DLG2: variants seen among roughly 807,000 people sequenced by gnomAD.
The protein encoded by DLG2 is disks large homolog 2.
Under a neutral mutation model 132.5 loss-of-function variants are expected in DLG2, and 45 were observed. The observed-to-expected ratio is 0.34, with a 90% confidence interval of 0.27 to 0.44. The LOEUF is 0.44. Among genes scored for constraint, DLG2 ranks in the 20% least tolerant of loss-of-function variants. The pLI is 1.00. For synonymous variants in DLG2, 424 were observed against 419.6 expected, an observed-to-expected ratio of 1.01 and a Z score of -0.13; for missense variants, 1,045 against 1,196.9, an observed-to-expected ratio of 0.87 and a Z score of 1.87.
At chr11:84,012,265 C>T (rs143401276) in intron 11 of DLG2, among the ~76,000 whole-genome samples, 55 of 152,144 alleles carry the variant, frequency 3.6e-4, no homozygotes, top group African/African-American at 1.3e-3. Context: ...TGCAAGTGTC[C>T]TTATGTACTC....
At chr11:84,646,177 CTA>C (rs2099674690) in intron 6 of DLG2, among the ~76,000 whole-genome samples, 1 of 152,146 alleles carries the variant, frequency 6.6e-6, no homozygotes, top group African/African-American at 2.4e-5. Context: ...TAATAAGTAA[CTA>C]TGTGGCTTCA....
chr11:85,482,734 C>A (rs557096129), intron 3 of DLG2, among the ~76,000 whole-genome samples: 3 of 151,960 alleles, frequency 2.0e-5, no homozygotes, highest in Non-Finnish European at 4.4e-5. Flanking sequence ...TCCACATGGA[C>A]CCCAGCATCA....
intron 4 of DLG2, among the ~76,000 whole-genome samples, chr11:85,216,792 G>C (rs1320290658): frequency 6.6e-6 from 1 of 151,968 alleles, no homozygotes; most frequent in Non-Finnish European, 1.5e-5. Flanking sequence ...CACCTCCCGG[G>C]TTCAAGCAAT....
chr11:83,901,398 G>C (rs931901200), intron 15 of DLG2, among the ~76,000 whole-genome samples: 2 of 152,152 alleles, frequency 1.3e-5, no homozygotes, highest in Admixed American at 1.3e-4. Context: ...GTATCTCCCA[G>C]AATTCCCACA....
chr11:83,987,008 G>T (rs2093367903), intron 11 of DLG2, among the ~76,000 whole-genome samples: 1 of 152,006 alleles, frequency 6.6e-6, no homozygotes, highest in African/African-American at 2.4e-5. Context: ...CATTTTGTAG[G>T]TTGCCTGTTC....
chr11:84,170,027 A>C (rs748584153), intron 8 of DLG2, among the ~76,000 whole-genome samples: 2 of 152,170 alleles, frequency 1.3e-5, no homozygotes, highest in African/African-American at 2.4e-5. Flanking sequence ...CATTTCCTAT[A>C]TCCTCATGTT....
At chr11:84,657,784 T>C (rs1018561501) in intron 6 of DLG2, among the ~76,000 whole-genome samples, 6 of 152,180 alleles carry the variant, frequency 3.9e-5, no homozygotes, top group African/African-American at 1.4e-4. Context: ...TAGGCCACAC[T>C]CAACTGCAGG....
intron 15 of DLG2, among the ~76,000 whole-genome samples, chr11:83,915,685 T>C (rs771610637): frequency 6.6e-6 from 1 of 152,200 alleles, no homozygotes; most frequent in Non-Finnish European, 1.5e-5. Flanking sequence ...TGTGGCTATA[T>C]AAATTATTTA....
chr11:84,961,836 GAAGA>G (rs2052626813), intron 6 of DLG2, among the ~76,000 whole-genome samples: 1 of 152,096 alleles, frequency 6.6e-6, no homozygotes, highest in Non-Finnish European at 1.5e-5. Flanking sequence ...AGCTGAAACT[GAAGA>G]AAGGAGTCCT....
intron 11 of DLG2, among the ~76,000 whole-genome samples, chr11:84,011,021 G>T (rs1346449185): frequency 6.6e-6 from 1 of 151,828 alleles, no homozygotes; most frequent in Non-Finnish European, 1.5e-5. Context: ...TGTCTTATAA[G>T]CTTTTAAAAT....
intron 8 of DLG2, among the ~76,000 whole-genome samples, chr11:84,179,026 T>C (rs2096050956): frequency 6.6e-6 from 1 of 152,114 alleles, no homozygotes; most frequent in African/African-American, 2.4e-5. Context: ...TTCTCAGGCA[T>C]TCCAGATGTT....
chr11:85,187,262 G>C (rs527258026), intron 4 of DLG2, among the ~76,000 whole-genome samples: 1 of 152,052 alleles, frequency 6.6e-6, no homozygotes, highest in Non-Finnish European at 1.5e-5. Context: ...AAAAACATCA[G>C]GGAATGAGAA....
At chr11:83,900,613 T>G (rs1229443367) in intron 15 of DLG2, among the ~76,000 whole-genome samples, 1 of 152,134 alleles carries the variant, frequency 6.6e-6, no homozygotes, top group Non-Finnish European at 1.5e-5. Context: ...AGCCTGTGAG[T>G]GCACAGAGGT....
chr11:85,169,673 T>C lies in DLG2; in HGVS notation c.187-15022A>G, dbSNP rs142027874. Among the ~76,000 whole-genome samples, 65 of 152,304 alleles carry C rather than the reference T, an allele frequency of 4.3e-4. 1 individual carries two copies. In the South Asian group the frequency reaches 5.4e-3, roughly 13 times the overall value. On this transcript the variant is annotated intron_variant, in intron 4 of 27. Coordinates refer to ENST00000376104, the MANE Select transcript of DLG2 (RefSeq NM_001142699.3). ...TAGTTTGTGACATTCTGTCTAGATATGTAATATTCCTCAGTCTTTCTTCCT... is the reference window on the plus strand; with the variant it reads ...TAGTTTGTGACATTCTGTCTAGATACGTAATATTCCTCAGTCTTTCTTCCT...
intron 6 of DLG2, among the ~76,000 whole-genome samples, chr11:84,640,838 G>T (rs777870051): frequency 6.6e-6 from 1 of 151,940 alleles, no homozygotes; most frequent in African/African-American, 2.4e-5. Flanking sequence ...TACTCAGGAG[G>T]CTGAGGCAGG....
chr11:84,390,939 C>A (rs2154441111), intron 7 of DLG2, among the ~76,000 whole-genome samples: 1 of 152,192 alleles, frequency 6.6e-6, no homozygotes, highest in South Asian at 2.1e-4. Context: ...AGGGGTCTGG[C>A]AGGTGGAGAG....
At chr11:85,443,021 G>A (rs182006209) in intron 3 of DLG2, among the ~76,000 whole-genome samples, 108 of 152,130 alleles carry the variant, frequency 7.1e-4, no homozygotes, top group Non-Finnish European at 1.3e-3. Flanking sequence ...TACAACGGGG[G>A]GAAATATAAC....
chr11:83,459,306 TA>T lies in DLG2; in HGVS notation c.*511del, dbSNP rs2089458178. 6.5e-6 allele frequency: 1 copy of T among 152,886 alleles called. No homozygotes were observed. The highest frequency in any genetic ancestry group is 1.5e-5 in the Non-Finnish European group (1 of 68,204). 9.5% of individuals were successfully genotyped at this position (152,886 alleles called of 1,614,324 possible). A position where few individuals can be genotyped will look rare whatever the true frequency, so the allele number is the denominator to read the frequency against. Reference sequence around the variant, plus strand: ...CTACACACTTATCCTTCCCTGATAGTATGTCATCTCCAAAGGGATTCCTTTC... The same window carrying T: ...CTACACACTTATCCTTCCCTGATAGTTGTCATCTCCAAAGGGATTCCTTTC... On this transcript the variant is annotated 3_prime_UTR_variant, in exon 28 of 28. Transcript: ENST00000376104.
intron 3 of DLG2, among the ~76,000 whole-genome samples, chr11:85,497,132 G>A (rs1330741776): frequency 2.0e-5 from 3 of 151,986 alleles, no homozygotes; most frequent in Non-Finnish European, 4.4e-5. Context: ...AAACTTCTCT[G>A]AGCTAAAGAA....
Sources: allele counts gnomAD v4.1 joint callset (sites outside exome capture counted in the v4.1 genomes callset), GRCh38; gene constraint gnomAD v4.1.1; transcripts MANE v1.5; gene names NCBI Gene and HGNC (gene_info 2026-07-23, HGNC 2026-07-21).